The following SMYD3 variants were observed in gnomAD, a reference collection of about 807,000 sequenced individuals.
SMYD3 encodes the protein SET and MYND domain containing 3.
SMYD3 carries 36 observed loss-of-function variants against 57.7 expected under a neutral mutation model. The observed-to-expected ratio is 0.62, with a 90% CI of 0.48 to 0.82. SMYD3 has a LOEUF of 0.82. Among genes scored for constraint, SMYD3 ranks in the 40% least tolerant of loss-of-function variants. SMYD3 has a pLI of 0.00. For synonymous variants in SMYD3, 211 were observed against 195.0 expected (o/e 1.08, Z -0.68); for missense variants, 515 against 538.8 (o/e 0.96, Z 0.44).
intron 5 of SMYD3, among the ~76,000 whole-genome samples, chr1:246,019,007 AT>A (rs912182754): frequency 2.6e-5 from 4 of 151,834 alleles, no homozygotes; most frequent in South Asian, 2.1e-4. Context: ...TTCTTGACTT[AT>A]TTTTTTTAAT....
chr1:246,260,529 C>A (rs1433932154), intron 5 of SMYD3, among the ~76,000 whole-genome samples: 2 of 152,212 alleles, frequency 1.3e-5, no homozygotes, highest in African/African-American at 4.8e-5. Flanking sequence ...TGGCTCACTG[C>A]AACCTCTGCC....
chr1:245,793,776 G>A (rs984766236), intron 10 of SMYD3, among the ~76,000 whole-genome samples: 1 of 152,060 alleles, frequency 6.6e-6, no homozygotes. Flanking sequence ...CCTGACCATG[G>A]CCCACAGCCC....
Position 245,890,753 on chromosome 1 carries a change from G to A in SMYD3, c.813+24777C>T, listed in dbSNP as rs914166128. 5.3e-5 allele frequency among the ~76,000 whole-genome samples: 8 copies of A among 152,288 alleles called. 1 individual carries two copies. Among genetic ancestry groups the A allele is most frequent in the Admixed American group, 5.2e-4 (8 of 15,288 alleles). On this transcript the variant is annotated intron_variant, in intron 8 of 11. Transcript: ENST00000490107. ...GCAAATGAAAGGAAATCAGTATATCGAAGAGGTATCTGCACGCCCATGTTT... is the reference window on the plus strand; with the variant it reads ...GCAAATGAAAGGAAATCAGTATATCAAAGAGGTATCTGCACGCCCATGTTT...
At chr1:246,169,349 CA>C (rs1250645063) in intron 5 of SMYD3, among the ~76,000 whole-genome samples, 1 of 68,838 alleles carries the variant, frequency 1.5e-5, no homozygotes, top group Admixed American at 2.4e-4. Flanking sequence ...GAAAATTGGT[CA>C]AAGTCAGTTA....
chr1:246,199,284 T>C (rs1325056693), intron 5 of SMYD3, among the ~76,000 whole-genome samples: 1 of 152,222 alleles, frequency 6.6e-6, no homozygotes, highest in African/African-American at 2.4e-5. Flanking sequence ...TAAGATCACG[T>C]GCCCTCTGTG....
At position 245,981,930 on chromosome 1, in the gene SMYD3, G is replaced by T. The variant is rs187706354; in HGVS notation, c.532-51993C>A. Among the ~76,000 whole-genome samples the T allele has an allele frequency of 3.0e-3, 455 of 152,310 alleles. 1 individual carries two copies. Among genetic ancestry groups the T allele is most frequent in the African/African-American group, 9.9e-3 (411 of 41,570 alleles). On this transcript the variant is annotated intron_variant, in intron 5 of 11. Transcript: ENST00000490107. ...GTCTTCAAACCAGGCTTGGGCAGGC[G>T]AGTCTCCCAGCCCTCCCTCCAGCCT...
At chr1:246,503,649 G>A (rs2068490966) in intron 1 of SMYD3, among the ~76,000 whole-genome samples, 1 of 152,154 alleles carries the variant, frequency 6.6e-6, no homozygotes, top group Admixed American at 6.5e-5. Flanking sequence ...AAAAATGCAT[G>A]CAACGGCAGA....
At chr1:246,322,827 G>A (rs902751022) in intron 5 of SMYD3, among the ~76,000 whole-genome samples, 6 of 152,218 alleles carry the variant, frequency 3.9e-5, no homozygotes, top group African/African-American at 1.4e-4. Context: ...AATTCTGGGA[G>A]TATCCCTACC....
At chr1:246,360,456 C>G (rs1423714489) in intron 1 of SMYD3, among the ~76,000 whole-genome samples, 1 of 151,856 alleles carries the variant, frequency 6.6e-6, no homozygotes, top group Non-Finnish European at 1.5e-5. Flanking sequence ...AAAAAAAAAT[C>G]CTAAAATTCA....
intron 5 of SMYD3, among the ~76,000 whole-genome samples, chr1:246,099,004 C>T (rs1484081529): frequency 1.3e-5 from 2 of 152,112 alleles, no homozygotes; most frequent in African/African-American, 2.4e-5. Flanking sequence ...GCTTTTCTCC[C>T]ACCCTTTTCC....
At chr1:246,211,736 A>G (rs2063091876) in intron 5 of SMYD3, among the ~76,000 whole-genome samples, 1 of 152,164 alleles carries the variant, frequency 6.6e-6, no homozygotes, top group Non-Finnish European at 1.5e-5. Flanking sequence ...ATCTTCCAAT[A>G]AAGAAACTTG....
At chr1:246,328,134 C>A (rs1332910319) in intron 4 of SMYD3, among the ~76,000 whole-genome samples, 1 of 152,058 alleles carries the variant, frequency 6.6e-6, no homozygotes, top group Non-Finnish European at 1.5e-5. Flanking sequence ...GTGGCGGTTG[C>A]AGTGAGCCAA....
At chr1:245,968,220 C>T (rs2058205319) in intron 5 of SMYD3, among the ~76,000 whole-genome samples, 1 of 125,076 alleles carries the variant, frequency 8.0e-6, no homozygotes, top group Admixed American at 9.3e-5. Context: ...CAAAAATGGC[C>T]CCCCTCTGCT....
intron 10 of SMYD3, among the ~76,000 whole-genome samples, chr1:245,849,983 G>A (rs114193956): frequency 0.056 from 8,488 of 152,248 alleles, 346 homozygotes; most frequent in Non-Finnish European, 0.082. Context: ...GAGAGAAAAG[G>A]TATGGGTTTC....
chr1:246,083,226 G>C (rs190334690), intron 5 of SMYD3, among the ~76,000 whole-genome samples: 1 of 149,022 alleles, frequency 6.7e-6, no homozygotes. Context: ...TGTAAAACCC[G>C]ATTGTATATT....
chr1:246,498,623 C>A (rs1366020578), intron 1 of SMYD3, among the ~76,000 whole-genome samples: 2 of 149,924 alleles, frequency 1.3e-5, no homozygotes, highest in Non-Finnish European at 3.0e-5. Flanking sequence ...CCCAGCTACT[C>A]GGGAGGCTGA....
chr1:246,206,789 T>G (rs2063007139), intron 5 of SMYD3, among the ~76,000 whole-genome samples: 1 of 152,204 alleles, frequency 6.6e-6, no homozygotes, highest in Non-Finnish European at 1.5e-5. Context: ...CTGAAAAAGT[T>G]GGGAAAACTT....
chr1:245,993,499 C>G lies in SMYD3; in HGVS notation c.532-63562G>C, dbSNP rs1032021952. The stretch of plus-strand genomic sequence containing the variant: ...CCTATAATCGCAGCTACTAGAGAGG[C>G]TGAGGTGGGAGGATCACTTGAGCCC... On this transcript the variant is annotated intron_variant, in intron 5 of 11. Coordinates refer to ENST00000490107, the MANE Select transcript of SMYD3 (RefSeq NM_001167740.2). Among the ~76,000 whole-genome samples, 4 of 151,752 alleles carry G rather than the reference C, an allele frequency of 2.6e-5. No homozygotes were observed. In the East Asian group the frequency reaches 7.7e-4, roughly 29 times the overall value.
intron 8 of SMYD3, among the ~76,000 whole-genome samples, chr1:245,908,378 CAG>C (rs1158464901): frequency 6.6e-6 from 1 of 152,190 alleles, no homozygotes; most frequent in Non-Finnish European, 1.5e-5. Flanking sequence ...GCTAAATAGA[CAG>C]AGAGACCCCA....
Sources: gnomAD v4.1 joint callset for allele counts (sites outside exome capture counted in the v4.1 genomes callset) on GRCh38, gnomAD v4.1.1 for gene constraint, MANE v1.5 for transcripts, NCBI Gene and HGNC (gene_info 2026-07-23, HGNC 2026-07-21) for gene names.